CEP350: variants seen among roughly 807,000 people sequenced by gnomAD.
The protein encoded by CEP350 is centrosomal protein 350, also known as centrosome-associated protein 350.
Under a neutral mutation model 331.8 loss-of-function variants are expected in CEP350, and 126 were observed. The observed-to-expected ratio is 0.38, with a 90% confidence interval of 0.33 to 0.44. The LOEUF (loss-of-function observed/expected upper bound fraction) is 0.44, where lower values mean the gene tolerates loss of function less well. CEP350 is among the 20% of genes least tolerant of loss of function. CEP350 has a pLI of 1.00. For missense variants in CEP350, 3,406 were observed against 3,634.6 expected (o/e 0.94, Z 1.62); for synonymous variants, 1,200 against 1,259.5 (o/e 0.95, Z 1.00).
At chr1:180,081,419 A>G (rs1330398137) in intron 30 of CEP350, among the ~76,000 whole-genome samples, 1 of 152,230 alleles carries the variant, frequency 6.6e-6, no homozygotes, top group Non-Finnish European at 1.5e-5. Flanking sequence ...CTGTTTCCCT[A>G]GTGATGGCTA....
rs748656837 is a variant in CEP350, at chr1:180,053,831, G to T, written c.5071G>T (p.Glu1691Ter). 6.2e-7 allele frequency: 1 copy of T among 1,611,978 alleles called. No homozygotes were observed. Among genetic ancestry groups the T allele is most frequent in the African/African-American group, 1.3e-5 (1 of 75,002 alleles). Residue 1691 changes from glutamate (E) to a stop codon, truncating the protein, a stop_gained, in exon 24 of 38, where the codon GAA (glutamate) becomes TAA (stop). Coordinates refer to ENST00000367607, the MANE Select transcript of CEP350 (RefSeq NM_014810.5). LOFTEE classifies it high-confidence loss of function. ...GATGGTTCGACAGTATATGAAAGAG[G>T]AAGAAATGAGGGCAGCTCACCAGTC... ...MEMVRQYMKE[E>*]EMRAAHQSSL...
At chr1:179,960,853 T>C (rs982191381) in intron 1 of CEP350, among the ~76,000 whole-genome samples, 1 of 152,196 alleles carries the variant, frequency 6.6e-6, no homozygotes, top group African/African-American at 2.4e-5. Context: ...TAAATACTTT[T>C]TAGGTTGTGG....
intron 15 of CEP350, among the ~76,000 whole-genome samples, chr1:180,033,589 G>C (rs948898448): frequency 3.3e-5 from 5 of 152,154 alleles, no homozygotes; most frequent in African/African-American, 1.2e-4. Flanking sequence ...GTAGAGGGAA[G>C]AGTTCAGTGC....
At chr1:180,077,188 AT>A (rs1450700447) in intron 28 of CEP350, among the ~76,000 whole-genome samples, 1 of 152,210 alleles carries the variant, frequency 6.6e-6, no homozygotes, top group African/African-American at 2.4e-5. Context: ...TGGTTATAAA[AT>A]TCATATACAA....
At chr1:180,021,045 A>T in intron 12 of CEP350, 36 bp downstream of exon 12, 1 of 1,420,352 alleles carries the variant, frequency 7.0e-7, no homozygotes, top group East Asian at 2.5e-5. Context: ...CTGTTTGTAT[A>T]TTAAGATGAA....
chr1:180,041,357 A>G, intron 18 of CEP350, 109 bp downstream of exon 18: 1 of 789,084 alleles, frequency 1.3e-6, no homozygotes, highest in Non-Finnish European at 2.0e-6. Flanking sequence ...TATATAAATA[A>G]TAAAGTTTTA....
At chr1:180,026,881 T>C (rs1443616745) in intron 14 of CEP350, among the ~76,000 whole-genome samples, 4 of 152,240 alleles carry the variant, frequency 2.6e-5, no homozygotes, top group African/African-American at 9.7e-5. Flanking sequence ...TTGATGGACA[T>C]TTTGGTATTT....
intron 30 of CEP350, among the ~76,000 whole-genome samples, chr1:180,082,054 G>T (rs949438521): frequency 7.9e-5 from 12 of 152,168 alleles, no homozygotes; most frequent in Admixed American, 5.9e-4. Context: ...TCTTATCCTG[G>T]ATCTCTTACT....
intron 13 of CEP350, 134 bp from the exon 14 acceptor site, chr1:180,024,285 A>T (rs940033413): frequency 9.7e-6 from 7 of 722,766 alleles, no homozygotes; most frequent in African/African-American, 9.2e-5. Flanking sequence ...GGTTAAAAAA[A>T]AATAATAAAG....
chr1:179,998,586 G>A (rs753885006), intron 6 of CEP350, among the ~76,000 whole-genome samples: 17 of 151,974 alleles, frequency 1.1e-4, no homozygotes, highest in Admixed American at 2.0e-4. Flanking sequence ...GATTACAGGC[G>A]TGAATCACCA....
intron 16 of CEP350, among the ~76,000 whole-genome samples, chr1:180,035,865 T>C (rs1394369811): frequency 2.6e-5 from 4 of 152,218 alleles, no homozygotes; most frequent in Non-Finnish European, 4.4e-5. Context: ...TTAAGTCTTA[T>C]TATTTAAGAA....
intron 25 of CEP350, among the ~76,000 whole-genome samples, chr1:180,055,701 G>A (rs1348803716): frequency 4.0e-5 from 6 of 151,264 alleles, no homozygotes; most frequent in African/African-American, 7.3e-5. Flanking sequence ...CCCCACCACC[G>A]CGCCTGGCTA....
At position 180,014,317 on chromosome 1, in the gene CEP350, A is replaced by C; in HGVS notation, c.1864A>C (p.Thr622Pro). The C allele has an allele frequency of 6.3e-7, 1 of 1,591,144 alleles. No homozygotes were observed. The highest frequency in any genetic ancestry group is 8.6e-7 in the Non-Finnish European group (1 of 1,168,418). The change falls in exon 10 of 38, where the codon ACA (threonine) becomes CCA (proline). Residue 622 changes from threonine (T) to proline (P), a missense_variant. By Grantham distance (38) the Thr-to-Pro change is conservative. Coordinates refer to ENST00000367607, the MANE Select transcript of CEP350 (RefSeq NM_014810.5). ...AGAGAAGAAGGCTCAAAAGGAGGCTACAGAACAGAAAAACAAACGATTACA... is the reference window on the plus strand; with the variant it reads ...AGAGAAGAAGGCTCAAAAGGAGGCTCCAGAACAGAAAAACAAACGATTACA... ...NEEKKAQKEA[T>P]EQKNKRLQEL...
intron 33 of CEP350, 143 bp from the exon 34 acceptor site, chr1:180,092,471 T>G (rs1660254596): frequency 2.0e-6 from 1 of 502,364 alleles, no homozygotes; most frequent in Non-Finnish European, 3.5e-6. Flanking sequence ...AAAGAAAAAC[T>G]TATAAAGTAG....
At position 180,076,356 on chromosome 1, in the gene CEP350, T is replaced by A. The variant is rs112751466; in HGVS notation, c.5767+1135T>A. Among the ~76,000 whole-genome samples the A allele has an allele frequency of 5.4e-3, 827 of 152,308 alleles. 12 individuals are homozygous for A. The highest frequency in any genetic ancestry group is 0.019 in the African/African-American group (771 of 41,560). ...TGAATTATGTATTAGCACACCAAGTTCAACTATATATGCAAATCCTAATAC... is the reference window on the plus strand; with the variant it reads ...TGAATTATGTATTAGCACACCAAGTACAACTATATATGCAAATCCTAATAC... On this transcript the variant is annotated intron_variant, in intron 28 of 37. Transcript: ENST00000367607.
At chr1:180,034,791 C>T (rs2148892206) in intron 16 of CEP350, among the ~76,000 whole-genome samples, 1 of 152,274 alleles carries the variant, frequency 6.6e-6, no homozygotes, top group East Asian at 1.9e-4. Flanking sequence ...AACCCTCCCT[C>T]TGGCCTCCTT....
intron 28 of CEP350, among the ~76,000 whole-genome samples, chr1:180,077,199 A>G (rs897405783): frequency 5.3e-5 from 8 of 152,210 alleles, no homozygotes. Context: ...TTCATATACA[A>G]AATTCAATTG....
intron 16 of CEP350, 47 bp downstream of exon 16, chr1:180,034,129 T>C: frequency 6.4e-7 from 1 of 1,560,072 alleles, no homozygotes. Context: ...GATATGAAAT[T>C]TTTTTCTCTC....
At chr1:180,069,589 CAT>C (rs1421208605) in intron 27 of CEP350, among the ~76,000 whole-genome samples, 1 of 152,124 alleles carries the variant, frequency 6.6e-6, no homozygotes, top group Non-Finnish European at 1.5e-5. Context: ...GGTCAGGAAT[CAT>C]GTGCTGTATT....
Sources: gnomAD v4.1 joint callset for allele counts (sites outside exome capture counted in the v4.1 genomes callset) on GRCh38, gnomAD v4.1.1 for gene constraint, MANE v1.5 for transcripts, NCBI Gene and HGNC (gene_info 2026-07-23, HGNC 2026-07-21) for gene names.